Variants in B3GLCT observed in about 807,000 individuals in gnomAD.
The protein encoded by B3GLCT is beta-1,3-glucosyltransferase.
In B3GLCT, 65 loss-of-function variants were observed where a neutral mutation model predicts 63.4. The observed-to-expected ratio is 1.03, with a 90% CI of 0.84 to 1.26. The LOEUF (loss-of-function observed/expected upper bound fraction) is 1.26, where lower values mean the gene tolerates loss of function less well. B3GLCT is among the 50% of genes most tolerant of loss of function. The pLI, the probability that B3GLCT is intolerant of heterozygous loss-of-function variation, is 0.00. For missense variants in B3GLCT, 577 were observed against 604.8 expected, an observed-to-expected ratio of 0.95 and a Z score of 0.48; for synonymous variants, 233 against 219.2, an observed-to-expected ratio of 1.06 and a Z score of -0.55.
chr13:31,255,336 T>C (rs919402599), intron 6 of B3GLCT, among the ~76,000 whole-genome samples: 1 of 152,156 alleles, frequency 6.6e-6, no homozygotes, highest in Non-Finnish European at 1.5e-5. Flanking sequence ...TCCATGCTCA[T>C]GGATAGGAAG....
Position 31,286,919 on chromosome 13 carries a change from G to T in B3GLCT, c.1064+100G>T, listed in dbSNP as rs1228172743. ...TTTCTGGCCAAGATGAAGTAACGGGGACGGGGTTTACCCTTCTATCTGAAC... is the reference window on the plus strand; with the variant it reads ...TTTCTGGCCAAGATGAAGTAACGGGTACGGGGTTTACCCTTCTATCTGAAC... On this transcript the variant is annotated intron_variant, in intron 12 of 14. Coordinates refer to ENST00000343307, the MANE Select transcript of B3GLCT (RefSeq NM_194318.4). 1.0e-5 allele frequency: 8 copies of T among 800,586 alleles called. No homozygotes were observed. In the African/African-American group the frequency reaches 1.4e-4, roughly 14 times the overall value. The allele number at this position is 800,586 out of a possible 1,614,324, so 49.6% of individuals were successfully genotyped here.
chr13:31,283,937 G>T (rs1281786896), intron 10 of B3GLCT, among the ~76,000 whole-genome samples: 1 of 152,150 alleles, frequency 6.6e-6, no homozygotes, highest in African/African-American at 2.4e-5. Flanking sequence ...AAGTATAGAA[G>T]AAAAGAATTA....
intron 4 of B3GLCT, among the ~76,000 whole-genome samples, chr13:31,237,869 T>C (rs932884732): frequency 1.3e-5 from 2 of 152,194 alleles, no homozygotes; most frequent in African/African-American, 4.8e-5. Flanking sequence ...GGGACCCTCA[T>C]GTCACCTGGG....
intron 6 of B3GLCT, among the ~76,000 whole-genome samples, chr13:31,254,542 C>T (rs1198247829): frequency 3.9e-5 from 6 of 152,124 alleles, no homozygotes; most frequent in South Asian, 2.1e-4. Flanking sequence ...ATGACAAACC[C>T]ACAGCCAATA....
At chr13:31,243,700 A>G (rs1261984211) in intron 4 of B3GLCT, among the ~76,000 whole-genome samples, 1 of 152,210 alleles carries the variant, frequency 6.6e-6, no homozygotes, top group African/African-American at 2.4e-5. Flanking sequence ...TTTGCTCTCA[A>G]TAATTATTAG....
At chr13:31,273,189 G>A (rs923385277) in intron 8 of B3GLCT, among the ~76,000 whole-genome samples, 1 of 152,162 alleles carries the variant, frequency 6.6e-6, no homozygotes, top group African/African-American at 2.4e-5. Context: ...CCATCTCCCG[G>A]GTTCAAGCAA....
In B3GLCT at chr13:31,323,866, C is replaced by T; in HGVS notation, c.1300C>T (p.Pro434Ser). The T allele has an allele frequency of 1.2e-6, 2 of 1,614,152 alleles. No individual in the cohort carries two copies. Among genetic ancestry groups the T allele is most frequent in the Non-Finnish European group, 1.7e-6 (2 of 1,180,004 alleles). ...LGMCFSGLGI[P>S]VTHSPLFHQA... The stretch of plus-strand genomic sequence containing the variant: ...AATGTGCTTTAGTGGCTTGGGAATC[C>T]CTGTGACACACAGCCCTCTCTTCCA... The change falls in exon 14 of 15, where the codon CCT (proline) becomes TCT (serine). Residue 434 changes from proline to serine, a missense_variant. Physicochemically the swap from Pro to Ser is moderately conservative, Grantham distance 74. Transcript: ENST00000343307.
intron 4 of B3GLCT, 34 bp downstream of exon 4, chr13:31,229,328 T>G (rs1182947197): frequency 7.9e-7 from 1 of 1,260,926 alleles, no homozygotes; most frequent in Non-Finnish European, 1.2e-6. Context: ...CTGCCAGTTA[T>G]GTATTTCTTG....
At position 31,269,196 on chromosome 13, in the gene B3GLCT, A is replaced by G; in HGVS notation, c.597-18A>G. On this transcript the variant is annotated intron_variant, in intron 7 of 14. Coordinates refer to ENST00000343307, the MANE Select transcript of B3GLCT (RefSeq NM_194318.4). ...ACTTCTTTTGGTTAAAAAAAATCAA[A>G]TTGTCTCTATTTTCTAGGCTTACCA... The G allele has an allele frequency of 6.3e-7, 1 of 1,586,160 alleles. No homozygotes were observed. Among genetic ancestry groups the G allele is most frequent in the South Asian group, 1.1e-5 (1 of 90,390 alleles).
At chr13:31,226,075 C>G (rs1870087742) in intron 3 of B3GLCT, among the ~76,000 whole-genome samples, 1 of 152,186 alleles carries the variant, frequency 6.6e-6, no homozygotes, top group Non-Finnish European at 1.5e-5. Context: ...CTGCTACCCT[C>G]TGTGTGTGTG....
intron 8 of B3GLCT, 34 bp from the exon 9 acceptor site, chr13:31,274,475 C>A (rs1872692740): frequency 6.2e-7 from 1 of 1,613,944 alleles, no homozygotes; most frequent in South Asian, 1.1e-5. Flanking sequence ...TGACTGAGTT[C>A]TTTCATCACT....
intron 12 of B3GLCT, among the ~76,000 whole-genome samples, chr13:31,300,122 CTTGG>C (rs1874149550): frequency 6.6e-6 from 1 of 152,156 alleles, no homozygotes; most frequent in African/African-American, 2.4e-5. Flanking sequence ...CCAAGTAGCT[CTTGG>C]TTGGTCAGTC....
intron 12 of B3GLCT, among the ~76,000 whole-genome samples, chr13:31,295,583 T>G (rs1873894076): frequency 6.6e-6 from 1 of 152,128 alleles, no homozygotes; most frequent in African/African-American, 2.4e-5. Context: ...CTCCACCCAG[T>G]TAGAACTTTT....
chr13:31,245,247 A>T (rs7989761), intron 4 of B3GLCT, among the ~76,000 whole-genome samples: 3 of 151,696 alleles, frequency 2.0e-5, no homozygotes, highest in Non-Finnish European at 2.9e-5. Context: ...CTTTCTGCTG[A>T]GGTTACCGTC....
chr13:31,316,407 T>TTTTTTATATATATATATATATATATATA (rs1239451482), intron 12 of B3GLCT, among the ~76,000 whole-genome samples: 1 of 40,864 alleles, frequency 2.4e-5, no homozygotes, highest in African/African-American at 6.5e-5. Flanking sequence ...TTTGGAGGTT[T>TTTTTTATATATATATATATATATATATA]TATATATATA....
chr13:31,228,627 T>G (rs1870220142), intron 3 of B3GLCT, among the ~76,000 whole-genome samples: 1 of 152,222 alleles, frequency 6.6e-6, no homozygotes, highest in African/African-American at 2.4e-5. Flanking sequence ...TGTGTCCAAA[T>G]TTCTAAGGAG....
rs1047407059 is a variant in B3GLCT, at chr13:31,330,190, G to A, written c.*522G>A. ...CTGGGAACTCAGTAGGAATAATACC[G>A]TATTAAGGAATAATACTGTACATAA... On this transcript the variant is annotated 3_prime_UTR_variant, in exon 15 of 15. Coordinates refer to ENST00000343307, the MANE Select transcript of B3GLCT (RefSeq NM_194318.4). 28 of 169,610 alleles carry A rather than the reference G, an allele frequency of 1.7e-4. No homozygotes were observed. Among genetic ancestry groups the A allele is most frequent in the South Asian group, 8.9e-4 (6 of 6,754 alleles). The allele number at this position is 169,610 out of a possible 1,614,324, so 10.5% of individuals were successfully genotyped here.
At chr13:31,248,053 A>G (rs1483962979) in intron 6 of B3GLCT, 87 bp downstream of exon 6, 3 of 742,000 alleles carry the variant, frequency 4.0e-6, no homozygotes, top group Admixed American at 2.3e-5. Flanking sequence ...TTTGAATCTA[A>G]TAAAAAACCA....
chr13:31,213,269 C>T (rs993878633), intron 1 of B3GLCT, among the ~76,000 whole-genome samples: 3 of 152,150 alleles, frequency 2.0e-5, no homozygotes, highest in African/African-American at 7.2e-5. Flanking sequence ...GCTAGCTGTG[C>T]TTTTGGTGTG....
Sources: gnomAD v4.1 joint callset for allele counts (sites outside exome capture counted in the v4.1 genomes callset) on GRCh38, gnomAD v4.1.1 for gene constraint, MANE v1.5 for transcripts, NCBI Gene and HGNC (gene_info 2026-07-23, HGNC 2026-07-21) for gene names.